The following MME variants were observed in gnomAD, a reference collection of about 807,000 sequenced individuals.
The protein encoded by MME is neprilysin.
A neutral mutation model predicts 113.2 loss-of-function variants in MME; 98 were observed. The ratio of observed to expected loss-of-function variants is 0.87; its 90% CI spans 0.74 to 1.02. The LOEUF (loss-of-function observed/expected upper bound fraction) is 1.02. Among genes scored for constraint, MME ranks in the 50% least tolerant of loss-of-function variants. The probability of loss-of-function intolerance (pLI) is 0.00; values close to 1 mark genes in which losing one functional copy is unlikely to be tolerated. For synonymous variants in MME, 292 were observed against 300.6 expected (o/e 0.97, Z 0.30); for missense variants, 836 against 896.0 (o/e 0.93, Z 0.86).
At chr3:155,165,797 T>C (rs2108360790) in intron 17 of MME, among the ~76,000 whole-genome samples, 1 of 152,250 alleles carries the variant, frequency 6.6e-6, no homozygotes, top group South Asian at 2.1e-4. Flanking sequence ...TAAAAGACTG[T>C]AAAAGAAAGG....
chr3:155,133,054 A>ATATATATAT (rs1376707409), intron 8 of MME, among the ~76,000 whole-genome samples: 7 of 86,158 alleles, frequency 8.1e-5, no homozygotes, highest in African/African-American at 2.7e-4. Flanking sequence ...AAAAAAAAAA[A>ATATATATAT]AAAAAAAAAT....
intron 3 of MME, among the ~76,000 whole-genome samples, chr3:155,091,341 T>C (rs916456267): frequency 5.3e-4 from 80 of 152,214 alleles, no homozygotes; most frequent in African/African-American, 1.8e-3. Context: ...ACATGTGTTT[T>C]TTACCCTCCA....
chr3:155,079,463 G>C (rs1714916924), upstream of MME, among the ~76,000 whole-genome samples: 1 of 152,116 alleles, frequency 6.6e-6, no homozygotes, highest in African/African-American at 2.4e-5. Context: ...GGAATGGTGA[G>C]ATGGGGGGTG....
intron 1 of MME, among the ~76,000 whole-genome samples, chr3:155,052,778 T>C (rs1713804618): frequency 6.6e-6 from 1 of 152,242 alleles, no homozygotes; most frequent in Non-Finnish European, 1.5e-5. Context: ...TCATTACTTA[T>C]GCAAATTACT....
intron 8 of MME, among the ~76,000 whole-genome samples, chr3:155,126,721 T>G (rs189755307): frequency 2.0e-5 from 3 of 152,036 alleles, no homozygotes; most frequent in African/African-American, 7.2e-5. Flanking sequence ...ATTTATTGGC[T>G]GGGCGCAGTG....
At position 155,140,193 on chromosome 3, in the gene MME, T is replaced by C. The variant is rs760389891; in HGVS notation, c.858T>C (p.Ala286=). Residue 286 remains alanine, a splice_region_variant and synonymous_variant, in exon 10 of 23, where the codon GCT becomes GCC. Coordinates refer to ENST00000360490, the MANE Select transcript of MME (RefSeq NM_007289.4). The part of the protein sequence containing the change: ...VMELEKEIAN[A]TAKPEDRNDP... ...ATGATTAAAAATTAAATCCATAGGC[T>C]ACGGCTAAACCTGAAGATCGAAATG... 1 of 1,606,928 alleles carries C rather than the reference T, an allele frequency of 6.2e-7. No individual in the cohort carries two copies. The highest frequency in any genetic ancestry group is 1.3e-5 in the African/African-American group (1 of 74,852).
At chr3:155,105,104 C>T (rs1381180548) in intron 3 of MME, among the ~76,000 whole-genome samples, 1 of 152,132 alleles carries the variant, frequency 6.6e-6, no homozygotes, top group East Asian at 1.9e-4. Flanking sequence ...GTGAGCCATT[C>T]ATTGAAATGG....
At chr3:155,154,896 C>T (rs540782845) in intron 16 of MME, among the ~76,000 whole-genome samples, 133 of 152,226 alleles carry the variant, frequency 8.7e-4, no homozygotes, top group African/African-American at 3.0e-3. Context: ...GACTATTTGA[C>T]TCAGCAAGTA....
At chr3:155,112,058 A>G (rs2108243780) in intron 3 of MME, among the ~76,000 whole-genome samples, 1 of 151,824 alleles carries the variant, frequency 6.6e-6, no homozygotes, top group East Asian at 1.9e-4. Flanking sequence ...CCTTTTTTAG[A>G]TCAGTTTCCT....
At chr3:155,150,392 A>G (rs1026364413) in intron 16 of MME, among the ~76,000 whole-genome samples, 4 of 152,160 alleles carry the variant, frequency 2.6e-5, no homozygotes, top group Non-Finnish European at 4.4e-5. Flanking sequence ...CCAAAAGTGT[A>G]TACAATATTT....
At chr3:155,117,599 G>GTTTTTTTTTTT (rs5853715) in intron 7 of MME, among the ~76,000 whole-genome samples, 4 of 131,456 alleles carry the variant, frequency 3.0e-5, no homozygotes, top group Admixed American at 7.6e-5. Context: ...TTTTTTTTTT[G>GTTTTTTTTTTT]TTTTTTTTTT....
chr3:155,039,243 G>A (rs1025869633), intron 1 of MME, among the ~76,000 whole-genome samples: 4 of 152,200 alleles, frequency 2.6e-5, no homozygotes, highest in South Asian at 2.1e-4. Flanking sequence ...GTGGGAAGGT[G>A]TGAAAGTCCT....
At chr3:155,079,634 G>GA (rs1344683804), upstream of MME, 4 of 140,334 alleles carry the variant, frequency 2.9e-5, no homozygotes, top group East Asian at 2.6e-4. Context: ...AGGGGGTGGG[G>GA]GGGGTGGGCC....
At position 155,098,265 on chromosome 3, in the gene MME, A is replaced by C. The variant is rs142005128; in HGVS notation, c.196+13171A>C. ...ATAAAAGAAAAGTAAAGTAAAAAAT[A>C]GAGTGGCTGGCTGGGCGCAGTGGCT... On this transcript the variant is annotated intron_variant, in intron 3 of 22. Coordinates refer to ENST00000360490, the MANE Select transcript of MME (RefSeq NM_007289.4). Among the ~76,000 whole-genome samples the C allele has an allele frequency of 6.6e-4, 101 of 152,222 alleles. 1 individual carries two copies. The highest frequency in any genetic ancestry group is 2.1e-3 in the Admixed American group (32 of 15,286).
intron 22 of MME, among the ~76,000 whole-genome samples, chr3:155,173,569 G>T (rs186322029): frequency 6.8e-6 from 1 of 147,058 alleles, no homozygotes; most frequent in African/African-American, 2.6e-5. Context: ...TAGTATCATC[G>T]TTGTCATCAT....
intron 1 of MME, among the ~76,000 whole-genome samples, chr3:155,045,602 C>T (rs1713531357): frequency 6.7e-6 from 1 of 149,904 alleles, no homozygotes; most frequent in Middle Eastern, 3.4e-3. Context: ...TGGTGATCAT[C>T]TCTTTTTTAT....
chr3:155,124,883 C>T (rs968554600), intron 8 of MME, among the ~76,000 whole-genome samples: 6 of 152,184 alleles, frequency 3.9e-5, no homozygotes, highest in African/African-American at 1.2e-4. Flanking sequence ...TTTGTCTGTG[C>T]CCTGCCCCCA....
intron 22 of MME, among the ~76,000 whole-genome samples, chr3:155,173,703 A>G (rs1442263510): frequency 6.6e-6 from 1 of 152,006 alleles, no homozygotes; most frequent in Non-Finnish European, 1.5e-5. Context: ...TTCTGCTAAG[A>G]TATTCAAATT....
intron 17 of MME, 29 bp from the exon 18 acceptor site, chr3:155,166,873 T>G (rs777869988): frequency 6.2e-7 from 1 of 1,613,146 alleles, no homozygotes; most frequent in Non-Finnish European, 8.5e-7. Context: ...ATGCCACAAA[T>G]AATCTCTAAC....
Sources: gnomAD v4.1 joint callset for allele counts (sites outside exome capture counted in the v4.1 genomes callset) on GRCh38, gnomAD v4.1.1 for gene constraint, MANE v1.5 for transcripts, NCBI Gene and HGNC (gene_info 2026-07-23, HGNC 2026-07-21) for gene names.